The following IL1RAPL1 variants were observed in gnomAD, a reference collection of about 807,000 sequenced individuals.
IL1RAPL1 encodes interleukin 1 receptor accessory protein like 1, also known as interleukin-1 receptor accessory protein-like 1.
IL1RAPL1 carries 3 observed loss-of-function variants against 48.4 expected under a neutral mutation model. That is an observed-to-expected ratio of 0.06 (90% CI 0.03 to 0.16). The LOEUF (loss-of-function observed/expected upper bound fraction) is 0.16, where lower values mean the gene tolerates loss of function less well. Ranked by LOEUF, IL1RAPL1 falls within the 10% of genes least tolerant of loss-of-function variation. IL1RAPL1 has a pLI of 1.00. For missense variants in IL1RAPL1, 349 were observed against 530.6 expected (o/e 0.66, Z 3.36); for synonymous variants, 185 against 187.7 (o/e 0.99, Z 0.12).
intron 1 of IL1RAPL1, among the ~76,000 whole-genome samples, chrX:28,610,897 A>G (rs958380664): frequency 1.8e-5 from 2 of 111,711 alleles, no homozygotes; most frequent in African/African-American, 3.3e-5. Flanking sequence ...CAGGATGTAG[A>G]GGGCAGAGTG....
In IL1RAPL1 at chrX:29,769,086, T is replaced by C. The variant is rs1928983927; in HGVS notation, c.778+100582T>C. On this transcript the variant is annotated intron_variant, in intron 6 of 10. Coordinates refer to ENST00000378993, the MANE Select transcript of IL1RAPL1 (RefSeq NM_014271.4). ...AGAAACCACTAATCTGTTTTCTGTC[T>C]ATAACTTTGCCCATTCCATATATTT... Among the ~76,000 whole-genome samples the C allele has an allele frequency of 2.7e-5, 3 of 111,710 alleles. No individual in the cohort carries two copies. In the South Asian group the frequency reaches 1.1e-3, roughly 42 times the overall value.
At chrX:29,550,474 C>T (rs369609418) in intron 5 of IL1RAPL1, among the ~76,000 whole-genome samples, 11 of 111,963 alleles carry the variant, frequency 9.8e-5, no homozygotes, top group East Asian at 2.8e-4. Context: ...CCACTGCGCC[C>T]GGCCTAATTT....
intron 5 of IL1RAPL1, among the ~76,000 whole-genome samples, chrX:29,466,748 AT>A (rs1934867058): frequency 8.9e-6 from 1 of 111,978 alleles, no homozygotes; most frequent in South Asian, 3.7e-4. Flanking sequence ...ATAATCTCAC[AT>A]TTGGCAAATG....
chrX:29,335,292 AG>A (rs1473966693), intron 3 of IL1RAPL1, among the ~76,000 whole-genome samples: 4 of 1,814 alleles, frequency 2.2e-3, no homozygotes, highest in African/African-American at 2.4e-3. Context: ...GAGAGGGGAG[AG>A]GGGAGAGGGG....
chrX:29,193,886 A>G (rs1193885790), intron 2 of IL1RAPL1, among the ~76,000 whole-genome samples: 8 of 112,022 alleles, frequency 7.1e-5, no homozygotes, highest in Non-Finnish European at 1.5e-4. Context: ...TAAACTGGAT[A>G]AAGAGGACAG....
At chrX:29,918,235 TTTTA>T (rs1161020362) in intron 7 of IL1RAPL1, among the ~76,000 whole-genome samples, 4 of 74,903 alleles carry the variant, frequency 5.3e-5, no homozygotes, top group East Asian at 3.4e-4. Context: ...GAGACCTTTT[TTTTA>T]AAAAAAAAAA....
chrX:29,573,164 A>G (rs747465713), intron 5 of IL1RAPL1, among the ~76,000 whole-genome samples: 1 of 112,005 alleles, frequency 8.9e-6, no homozygotes, highest in South Asian at 3.7e-4. Flanking sequence ...TAAGGGCATT[A>G]ATCCCATTCA....
chrX:29,553,689 A>G (rs976169135), intron 5 of IL1RAPL1, among the ~76,000 whole-genome samples: 3 of 111,116 alleles, frequency 2.7e-5, no homozygotes, highest in African/African-American at 9.8e-5. Flanking sequence ...GAGAACACTC[A>G]TACTCTGGGC....
chrX:29,825,542 G>A (rs1170745282), intron 6 of IL1RAPL1, among the ~76,000 whole-genome samples: 3 of 111,429 alleles, frequency 2.7e-5, no homozygotes, highest in Non-Finnish European at 5.7e-5. Flanking sequence ...CTTATTGGCT[G>A]CCGCAGCTCA....
intron 3 of IL1RAPL1, among the ~76,000 whole-genome samples, chrX:29,298,413 T>G (rs1238518397): frequency 8.9e-6 from 1 of 111,957 alleles, no homozygotes; most frequent in Non-Finnish European, 1.9e-5. Flanking sequence ...TGACTACTTC[T>G]GAGGTTGCAC....
chrX:29,273,821 G>C (rs779429629), intron 2 of IL1RAPL1, among the ~76,000 whole-genome samples: 2 of 109,789 alleles, frequency 1.8e-5, no homozygotes, highest in Non-Finnish European at 3.8e-5. Flanking sequence ...GCGTGTATTC[G>C]CACTGGCAGG....
intron 2 of IL1RAPL1, among the ~76,000 whole-genome samples, chrX:28,954,601 A>T (rs1321427725): frequency 5.5e-5 from 6 of 109,505 alleles, no homozygotes; most frequent in Non-Finnish European, 7.6e-5. Flanking sequence ...TAATTTCTAA[A>T]TTTTTTTCTA....
intron 3 of IL1RAPL1, among the ~76,000 whole-genome samples, chrX:29,335,073 A>G (rs1297120032): frequency 8.9e-6 from 1 of 111,897 alleles, no homozygotes. Context: ...TAGGAGCTGG[A>G]GACCAGCCCG....
intron 2 of IL1RAPL1, among the ~76,000 whole-genome samples, chrX:28,892,858 G>A (rs1001729505): frequency 1.8e-5 from 2 of 111,408 alleles, no homozygotes; most frequent in African/African-American, 3.3e-5. Flanking sequence ...AAACTAAATG[G>A]AATAAGAGAA....
chrX:29,694,608 G>A (rs761675606), intron 6 of IL1RAPL1, among the ~76,000 whole-genome samples: 1 of 111,647 alleles, frequency 9.0e-6, no homozygotes, highest in South Asian at 3.7e-4. Flanking sequence ...GGCACTGGTG[G>A]ATTCAGTGTC....
chrX:28,885,730 C>T (rs939996786), intron 2 of IL1RAPL1, among the ~76,000 whole-genome samples: 15 of 110,804 alleles, frequency 1.4e-4, no homozygotes, highest in Non-Finnish European at 7.6e-5. Context: ...CAGGTATTCC[C>T]TGTAAGATTT....
intron 6 of IL1RAPL1, among the ~76,000 whole-genome samples, chrX:29,769,455 T>TTTTTTTG: frequency 1.3e-5 from 1 of 74,470 alleles, no homozygotes; most frequent in African/African-American, 5.3e-5. Flanking sequence ...TTTTTTTTTT[T>TTTTTTTG]TTTTTTGTGA....
rs756096837 is a variant in IL1RAPL1 at position 29,608,783 on chromosome X, A to G, written c.704-59647A>G. On this transcript the variant is annotated intron_variant, in intron 5 of 10. Coordinates refer to ENST00000378993, the MANE Select transcript of IL1RAPL1 (RefSeq NM_014271.4). ...GGAGCTTGCAGTGAGCCGAGATCTC[A>G]CCACTGCACTCCAGCCTGGGCGACA... 1.3e-4 allele frequency among the ~76,000 whole-genome samples: 14 copies of G among 107,011 alleles called. No individual in the cohort carries two copies. The East Asian group carries it at 1.5e-3, about 12-fold the overall frequency. 92.9% of individuals were successfully genotyped at this position (107,011 alleles called of 115,157 possible). A position where few individuals can be genotyped will look rare whatever the true frequency, so the allele number is the denominator to read the frequency against.
At chrX:29,414,972 A>G (rs1299392837) in intron 5 of IL1RAPL1, among the ~76,000 whole-genome samples, 3 of 111,951 alleles carry the variant, frequency 2.7e-5, no homozygotes, top group Non-Finnish European at 5.6e-5. Flanking sequence ...CAAATCAAAG[A>G]TTGAAAATGT....
Sources: allele counts gnomAD v4.1 joint callset (sites outside exome capture counted in the v4.1 genomes callset), GRCh38; gene constraint gnomAD v4.1.1; transcripts MANE v1.5; gene names NCBI Gene and HGNC (gene_info 2026-07-23, HGNC 2026-07-21).